Variants in GLI2 observed in about 807,000 individuals in gnomAD.
The protein encoded by GLI2 is GLI family zinc finger 2.
GLI2 carries 22 observed loss-of-function variants against 78.9 expected under a neutral mutation model. That is an observed-to-expected ratio of 0.28 (90% CI 0.20 to 0.40). GLI2 has a LOEUF of 0.40. Among genes scored for constraint, GLI2 ranks in the 10% least tolerant of loss-of-function variants. GLI2 has a pLI of 1.00. For missense variants in GLI2, 2,097 were observed against 2,213.2 expected, an observed-to-expected ratio of 0.95 and a Z score of 1.05; for synonymous variants, 974 against 963.7, an observed-to-expected ratio of 1.01 and a Z score of -0.20.
rs375968957 is a variant in GLI2 at position 120,817,631 on chromosome 2, C to T, written c.148+20163C>T. Among the ~76,000 whole-genome samples the T allele has an allele frequency of 1.3e-4, 20 of 152,308 alleles. No individual in the cohort carries two copies. In the East Asian group the frequency reaches 3.7e-3, roughly 28 times the overall value. The stretch of plus-strand genomic sequence containing the variant: ...TGCTCTTCTCTTGTCACTGGAAACT[C>T]ATCGCGGGGGCACCTGGGTAGCAAG... On this transcript the variant is annotated intron_variant, in intron 2 of 13. Transcript: ENST00000361492.
At chr2:120,752,978 T>C (rs375939450) in intron 1 of GLI2, among the ~76,000 whole-genome samples, 106 of 152,320 alleles carry the variant, frequency 7.0e-4, no homozygotes, top group African/African-American at 2.4e-3. Context: ...CAAGGTTGCA[T>C]TGAATAACCT....
intron 3 of GLI2, among the ~76,000 whole-genome samples, chr2:120,943,679 G>T (rs1341488814): frequency 6.6e-6 from 1 of 152,208 alleles, no homozygotes; most frequent in Admixed American, 6.5e-5. Flanking sequence ...AGCTGTTCCT[G>T]CCTGTGTCTG....
At chr2:120,912,056 A>G (rs1343688294) in intron 2 of GLI2, among the ~76,000 whole-genome samples, 2 of 152,136 alleles carry the variant, frequency 1.3e-5, no homozygotes, top group African/African-American at 4.8e-5. Flanking sequence ...GACTGGACCC[A>G]CAAAGCAGGG....
intron 2 of GLI2, among the ~76,000 whole-genome samples, chr2:120,854,766 C>A (rs1687566346): frequency 1.3e-5 from 2 of 152,234 alleles, no homozygotes; most frequent in Non-Finnish European, 2.9e-5. Context: ...CAGAATCACC[C>A]AAGAGACTTG....
At chr2:120,784,926 C>T (rs1051291441) in intron 1 of GLI2, among the ~76,000 whole-genome samples, 5 of 152,126 alleles carry the variant, frequency 3.3e-5, no homozygotes, top group East Asian at 1.9e-4. Flanking sequence ...AGCTCTGGGG[C>T]GGTAGTACTG....
chr2:120,873,398 C>T (rs1354983802), intron 2 of GLI2, among the ~76,000 whole-genome samples: 1 of 151,960 alleles, frequency 6.6e-6, no homozygotes, highest in Non-Finnish European at 1.5e-5. Flanking sequence ...AAAATATTTC[C>T]CAGAACAACA....
At chr2:120,856,417 G>T (rs1294248277) in intron 2 of GLI2, among the ~76,000 whole-genome samples, 1 of 152,186 alleles carries the variant, frequency 6.6e-6, no homozygotes, top group Non-Finnish European at 1.5e-5. Context: ...ATTTATGGCA[G>T]GTTTGGGCCG....
At chr2:120,841,866 T>C (rs1457959768) in intron 2 of GLI2, among the ~76,000 whole-genome samples, 1 of 151,440 alleles carries the variant, frequency 6.6e-6, no homozygotes, top group East Asian at 1.9e-4. Flanking sequence ...TGTGTGTGTG[T>C]GTGTGTGTGT....
intron 11 of GLI2, 149 bp downstream of exon 11, chr2:120,983,029 G>T (rs1334880071): frequency 3.3e-6 from 2 of 612,542 alleles, no homozygotes; most frequent in Non-Finnish European, 5.4e-6. Flanking sequence ...TACAGACCAG[G>T]ACTCTTTGAG....
At chr2:120,854,882 G>T (rs1351253744) in intron 2 of GLI2, among the ~76,000 whole-genome samples, 1 of 152,220 alleles carries the variant, frequency 6.6e-6, no homozygotes, top group Non-Finnish European at 1.5e-5. Context: ...TGCTGCTGCT[G>T]TTGGCCCAGA....
At chr2:120,821,571 T>C (rs961442916) in intron 2 of GLI2, among the ~76,000 whole-genome samples, 1 of 152,052 alleles carries the variant, frequency 6.6e-6, no homozygotes, top group African/African-American at 2.4e-5. Flanking sequence ...TGGTGGGCCC[T>C]GGGGAGGGGA....
intron 2 of GLI2, among the ~76,000 whole-genome samples, chr2:120,901,310 G>C (rs1678243071): frequency 6.6e-6 from 1 of 152,230 alleles, no homozygotes; most frequent in African/African-American, 2.4e-5. Flanking sequence ...TTTAAAAAGT[G>C]TCAGGATACA....
intron 2 of GLI2, among the ~76,000 whole-genome samples, chr2:120,921,465 C>T (rs1679377719): frequency 6.6e-6 from 1 of 152,130 alleles, no homozygotes; most frequent in Non-Finnish European, 1.5e-5. Flanking sequence ...CTTGGGGTGT[C>T]ACTGGCTGGA....
At chr2:120,772,799 T>TG (rs1683561413) in intron 1 of GLI2, among the ~76,000 whole-genome samples, 1 of 152,260 alleles carries the variant, frequency 6.6e-6, no homozygotes, top group South Asian at 2.1e-4. Flanking sequence ...GCAGCAATGC[T>TG]GGTAAGAGGC....
chr2:120,783,983 C>T (rs141475391), intron 1 of GLI2, among the ~76,000 whole-genome samples: 144 of 152,270 alleles, frequency 9.5e-4, no homozygotes, highest in African/African-American at 3.2e-3. Context: ...AGCTAGGCTG[C>T]GGCTTCGGCT....
chr2:120,874,159 C>G (rs921273079), intron 2 of GLI2, among the ~76,000 whole-genome samples: 8 of 152,252 alleles, frequency 5.3e-5, no homozygotes, highest in Admixed American at 3.3e-4. Flanking sequence ...TTTTCAGAAC[C>G]ACCCCTCCCA....
At chr2:120,864,056 A>G (rs1688019682) in intron 2 of GLI2, among the ~76,000 whole-genome samples, 1 of 152,218 alleles carries the variant, frequency 6.6e-6, no homozygotes, top group Non-Finnish European at 1.5e-5. Context: ...GAGGTTACCT[A>G]CTGGGCTTTG....
At position 120,988,810 on chromosome 2, in the gene GLI2, G is replaced by C. The variant is rs758491909; in HGVS notation, c.2845G>C (p.Ala949Pro). 4.9e-6 allele frequency: 7 copies of C among 1,416,044 alleles called. No individual in the cohort carries two copies. The South Asian group carries it at 9.4e-5, about 19-fold the overall frequency. The allele number at this position is 1,416,044 out of a possible 1,614,324, so 87.7% of individuals were successfully genotyped here. Residue 949 changes from alanine (A) to proline (P), a missense_variant, in exon 14 of 14, where the codon GCC becomes CCC. Physicochemically the swap from Ala to Pro is conservative, Grantham distance 27 (BLOSUM62 -1). Transcript: ENST00000361492. ...CCCCCACGAGGCTCCAGGCGGCGGA[G>C]CCAGGCGGGCCAGCGACCCTGTGCG... ...AFPHEAPGGG[A>P]RRASDPVRRP...
At chr2:120,958,829 C>A (rs1007180206) in intron 5 of GLI2, among the ~76,000 whole-genome samples, 4 of 152,212 alleles carry the variant, frequency 2.6e-5, no homozygotes, top group Non-Finnish European at 5.9e-5. Flanking sequence ...ACTGCACTAG[C>A]GGGACCCAAG....
Sources: gnomAD v4.1 joint callset for allele counts (sites outside exome capture counted in the v4.1 genomes callset) on GRCh38, gnomAD v4.1.1 for gene constraint, MANE v1.5 for transcripts, NCBI Gene and HGNC (gene_info 2026-07-23, HGNC 2026-07-21) for gene names.